The following SLIT3 variants were observed in gnomAD, a reference collection of about 807,000 sequenced individuals.
SLIT3 encodes the protein slit guidance ligand 3.
SLIT3 carries 68 observed loss-of-function variants against 184.0 expected under a neutral mutation model. That is an observed-to-expected ratio of 0.37 (90% CI 0.30 to 0.45). SLIT3 has a LOEUF of 0.45. Ranked by LOEUF, SLIT3 falls within the 20% of genes least tolerant of loss-of-function variation. The pLI, the probability that SLIT3 is intolerant of heterozygous loss-of-function variation, is 1.00. For synonymous variants in SLIT3, 831 were observed against 828.6 expected (o/e 1.00, Z -0.05); for missense variants, 1,707 against 2,026.0 (o/e 0.84, Z 3.02).
chr5:169,044,334 A>G (rs1039750601), intron 4 of SLIT3, among the ~76,000 whole-genome samples: 1 of 152,230 alleles, frequency 6.6e-6, no homozygotes, highest in Non-Finnish European at 1.5e-5. Context: ...AGAAACTTGC[A>G]TATCATTGTT....
At chr5:168,671,136 G>C (rs1012728537) in intron 34 of SLIT3, 62 bp downstream of exon 34, 21 of 1,544,646 alleles carry the variant, frequency 1.4e-5, no homozygotes, top group Admixed American at 5.2e-5. Context: ...TTCTCAGGTG[G>C]GGTAGGGACT....
chr5:168,732,311 G>A (rs1763311513), intron 20 of SLIT3, among the ~76,000 whole-genome samples: 1 of 151,996 alleles, frequency 6.6e-6, no homozygotes, highest in Non-Finnish European at 1.5e-5. Flanking sequence ...AGAAATTGTA[G>A]ACAACACAAA....
rs551639861 is a variant in SLIT3 at position 169,270,080 on chromosome 5, G to T, written c.198-18621C>A. On this transcript the variant is annotated intron_variant, in intron 1 of 35. Coordinates refer to ENST00000519560, the MANE Select transcript of SLIT3 (RefSeq NM_003062.4). ...ATCCATGAAGACCCACAAGAGGGAG[G>T]CTCCCGCCCTCTCCTCAGCCATTGC... Among the ~76,000 whole-genome samples, 3 of 152,192 alleles carry T rather than the reference G, an allele frequency of 2.0e-5. No homozygotes were observed. In the South Asian group the frequency reaches 6.2e-4, roughly 32 times the overall value.
intron 1 of SLIT3, among the ~76,000 whole-genome samples, chr5:169,264,952 C>T (rs1409521908): frequency 6.6e-6 from 1 of 152,210 alleles, no homozygotes; most frequent in African/African-American, 2.4e-5. Flanking sequence ...TAATTTTACA[C>T]CTGCAAAAGC....
At chr5:169,225,894 G>A (rs923825418) in intron 3 of SLIT3, among the ~76,000 whole-genome samples, 19 of 152,192 alleles carry the variant, frequency 1.2e-4, no homozygotes, top group African/African-American at 4.3e-4. Flanking sequence ...CTGTGTTTGG[G>A]AAGCTCACTC....
intron 4 of SLIT3, among the ~76,000 whole-genome samples, chr5:168,933,359 T>G (rs1446804344): frequency 1.3e-5 from 2 of 152,060 alleles, no homozygotes; most frequent in Non-Finnish European, 2.9e-5. Flanking sequence ...CTAGCCAACA[T>G]GGTGAAACCC....
chr5:169,143,685 C>T (rs1233328273), intron 4 of SLIT3, among the ~76,000 whole-genome samples: 2 of 152,142 alleles, frequency 1.3e-5, no homozygotes, highest in Non-Finnish European at 2.9e-5. Context: ...CCTGTAATCC[C>T]ATCTACTCAG....
At chr5:169,113,060 T>C (rs552541242) in intron 4 of SLIT3, among the ~76,000 whole-genome samples, 6 of 152,288 alleles carry the variant, frequency 3.9e-5, no homozygotes, top group African/African-American at 1.2e-4. Context: ...TGTGGTGAAG[T>C]GTACATAGCA....
At chr5:168,928,890 G>A (rs1761908507) in intron 4 of SLIT3, among the ~76,000 whole-genome samples, 2 of 152,212 alleles carry the variant, frequency 1.3e-5, no homozygotes, top group African/African-American at 4.8e-5. Context: ...AAGCACCTCT[G>A]CTGAAAGTCC....
intron 4 of SLIT3, among the ~76,000 whole-genome samples, chr5:169,189,019 T>G (rs149212089): frequency 1.3e-5 from 2 of 152,170 alleles, no homozygotes; most frequent in African/African-American, 4.8e-5. Context: ...CAAATATTTA[T>G]TGAGTGACCC....
At chr5:169,005,484 A>T (rs1416144478) in intron 4 of SLIT3, among the ~76,000 whole-genome samples, 1 of 152,198 alleles carries the variant, frequency 6.6e-6, no homozygotes, top group Non-Finnish European at 1.5e-5. Context: ...GGTTGCTATG[A>T]TCATCAGCAA....
At chr5:169,164,610 C>T (rs192375273) in intron 4 of SLIT3, among the ~76,000 whole-genome samples, 6 of 152,316 alleles carry the variant, frequency 3.9e-5, no homozygotes, top group South Asian at 2.1e-4. Context: ...GGGCCTTCCC[C>T]GCCAGACCCT....
At chr5:168,953,542 G>C (rs903063108) in intron 4 of SLIT3, among the ~76,000 whole-genome samples, 1 of 152,172 alleles carries the variant, frequency 6.6e-6, no homozygotes, top group African/African-American at 2.4e-5. Context: ...GTTCTCCTCC[G>C]TAACGTGAAG....
intron 1 of SLIT3, among the ~76,000 whole-genome samples, chr5:169,265,220 G>A (rs946845413): frequency 1.3e-5 from 2 of 152,168 alleles, no homozygotes; most frequent in Non-Finnish European, 2.9e-5. Flanking sequence ...CAGCAGAGAC[G>A]AACTTGCAAA....
chr5:169,217,646 G>T (rs555606266), intron 3 of SLIT3, among the ~76,000 whole-genome samples: 10 of 152,128 alleles, frequency 6.6e-5, no homozygotes, highest in African/African-American at 9.7e-5. Context: ...TTTACTGCAC[G>T]CTCAACACCA....
At chr5:168,914,334 C>T (rs747155516) in intron 4 of SLIT3, among the ~76,000 whole-genome samples, 4 of 152,210 alleles carry the variant, frequency 2.6e-5, no homozygotes, top group East Asian at 1.9e-4. Flanking sequence ...GAGGAAGGCC[C>T]GGAACTAGAG....
intron 4 of SLIT3, among the ~76,000 whole-genome samples, chr5:169,003,389 C>T (rs1353542505): frequency 2.6e-5 from 4 of 152,238 alleles, no homozygotes; most frequent in African/African-American, 9.6e-5. Flanking sequence ...CTGTGGGAGT[C>T]TGACCCTGCT....
intron 28 of SLIT3, among the ~76,000 whole-genome samples, chr5:168,694,575 G>T (rs2113260303): frequency 6.6e-6 from 1 of 152,272 alleles, no homozygotes; most frequent in South Asian, 2.1e-4. Context: ...CAGTCAGTCA[G>T]TCTTTCTCTC....
intron 4 of SLIT3, among the ~76,000 whole-genome samples, chr5:168,975,259 C>A (rs922025634): frequency 7.2e-5 from 11 of 152,150 alleles, no homozygotes; most frequent in African/African-American, 2.2e-4. Context: ...CTGCAGCCAC[C>A]GGGCTCTCCA....
Sources: gnomAD v4.1 joint callset for allele counts (sites outside exome capture counted in the v4.1 genomes callset) on GRCh38, gnomAD v4.1.1 for gene constraint, MANE v1.5 for transcripts, NCBI Gene and HGNC (gene_info 2026-07-23, HGNC 2026-07-21) for gene names.